USP34: variants seen among roughly 807,000 people sequenced by gnomAD.
The protein encoded by USP34 is ubiquitin specific peptidase 34.
In USP34, 70 loss-of-function variants were observed where a neutral mutation model predicts 460.3. That is an observed-to-expected ratio of 0.15 (90% CI 0.13 to 0.19). The LOEUF (loss-of-function observed/expected upper bound fraction) is 0.19, where lower values mean the gene tolerates loss of function less well. USP34 is among the 10% of genes least tolerant of loss of function. USP34 has a pLI of 1.00. For synonymous variants in USP34, 1,647 were observed against 1,405.3 expected, an observed-to-expected ratio of 1.17 and a Z score of -3.85; for missense variants, 3,985 against 4,236.2, an observed-to-expected ratio of 0.94 and a Z score of 1.65.
intron 27 of USP34, among the ~76,000 whole-genome samples, chr2:61,307,538 A>T (rs753003827): frequency 1.3e-5 from 2 of 152,098 alleles, no homozygotes; most frequent in African/African-American, 2.4e-5. Flanking sequence ...ATAAGAGTTT[A>T]TAAGACTTGG....
At chr2:61,434,487 A>T (rs1694759956) in intron 1 of USP34, among the ~76,000 whole-genome samples, 1 of 152,076 alleles carries the variant, frequency 6.6e-6, no homozygotes, top group Admixed American at 6.6e-5. Flanking sequence ...TGTGGCTTCA[A>T]CCCCAGCAAG....
chr2:61,423,276 G>T (rs1694414976), intron 1 of USP34, among the ~76,000 whole-genome samples: 1 of 151,954 alleles, frequency 6.6e-6, no homozygotes, highest in Admixed American at 6.6e-5. Flanking sequence ...ATCACGCCTG[G>T]CTAGTTTTTG....
intron 1 of USP34, among the ~76,000 whole-genome samples, chr2:61,437,379 A>G (rs150278548): frequency 6.6e-6 from 1 of 152,356 alleles, no homozygotes; most frequent in East Asian, 1.9e-4. Flanking sequence ...ACAAAGGATC[A>G]TTAGAGACTG....
intron 27 of USP34, among the ~76,000 whole-genome samples, chr2:61,301,748 A>C (rs955220491): frequency 6.6e-6 from 1 of 152,182 alleles, no homozygotes; most frequent in Non-Finnish European, 1.5e-5. Flanking sequence ...CAACTCAAGG[A>C]CTAAGATTTC....
chr2:61,379,234 T>C (rs1692899587), intron 7 of USP34, among the ~76,000 whole-genome samples: 1 of 152,016 alleles, frequency 6.6e-6, no homozygotes, highest in Non-Finnish European at 1.5e-5. Flanking sequence ...AAAACAGTAA[T>C]GTGGCCAGGT....
At chr2:61,454,576 G>A (rs948095274) in intron 1 of USP34, among the ~76,000 whole-genome samples, 1 of 152,018 alleles carries the variant, frequency 6.6e-6, no homozygotes, top group African/African-American at 2.4e-5. Flanking sequence ...TTGAGATGGA[G>A]TCTCCCTCTG....
intron 1 of USP34, among the ~76,000 whole-genome samples, chr2:61,437,555 C>G (rs543675662): frequency 6.6e-6 from 1 of 151,984 alleles, no homozygotes; most frequent in East Asian, 1.9e-4. Context: ...AGGCAGATCA[C>G]GAGGTCAGGA....
intron 27 of USP34, among the ~76,000 whole-genome samples, chr2:61,306,108 T>TA (rs397815539): frequency 6.6e-6 from 1 of 151,844 alleles, no homozygotes; most frequent in East Asian, 1.9e-4. Context: ...ATTTTGGCTT[T>TA]GTTGCCATTG....
Position 61,211,750 on chromosome 2 carries a change from A to G in USP34, c.8840+22T>C, listed in dbSNP as rs780297370. 1.0e-5 allele frequency: 16 copies of G among 1,545,770 alleles called. No individual in the cohort carries two copies. In the East Asian group the frequency reaches 1.7e-4, roughly 17 times the overall value. Reference sequence around the variant, plus strand: ...TCATCTCACTGGAAATAAACAAGACAAAACTAAAAACATCTTTTTACCTTA... The same window carrying G: ...TCATCTCACTGGAAATAAACAAGACGAAACTAAAAACATCTTTTTACCTTA... On this transcript the variant is annotated intron_variant, in intron 69 of 79. Coordinates refer to ENST00000398571, the MANE Select transcript of USP34 (RefSeq NM_014709.4).
At chr2:61,236,275 GA>G (rs772687411) in intron 54 of USP34, 39 bp from the exon 55 acceptor site, 15 of 1,593,874 alleles carry the variant, frequency 9.4e-6, no homozygotes, top group South Asian at 2.3e-5. Flanking sequence ...TCACACGTAA[GA>G]TTTTTTTAAA....
chr2:61,387,555 T>C (rs1242165269), intron 5 of USP34, among the ~76,000 whole-genome samples: 2 of 146,986 alleles, frequency 1.4e-5, no homozygotes, highest in Admixed American at 6.9e-5. Flanking sequence ...AAAATATATA[T>C]ATTTATATAT....
intron 75 of USP34, among the ~76,000 whole-genome samples, chr2:61,198,553 T>TA (rs1435644483): frequency 1.3e-5 from 2 of 149,498 alleles, no homozygotes; most frequent in Non-Finnish European, 3.0e-5. Context: ...CCCTATCTGA[T>TA]AGACTTTTTT....
intron 75 of USP34, among the ~76,000 whole-genome samples, chr2:61,199,171 T>C (rs1043190523): frequency 6.6e-6 from 1 of 152,230 alleles, no homozygotes; most frequent in African/African-American, 2.4e-5. Flanking sequence ...TTTTGTGTCC[T>C]AGGTAGCATG....
At chr2:61,300,720 C>T (rs1175385386) in intron 29 of USP34, among the ~76,000 whole-genome samples, 3 of 149,884 alleles carry the variant, frequency 2.0e-5, no homozygotes, top group African/African-American at 4.9e-5. Context: ...GGCATGAACC[C>T]GGGAGGTGGA....
At chr2:61,407,856 T>C (rs933338014) in intron 2 of USP34, among the ~76,000 whole-genome samples, 5 of 152,186 alleles carry the variant, frequency 3.3e-5, no homozygotes, top group Admixed American at 6.5e-5. Context: ...GGCTCATGCC[T>C]GTAATCCCAG....
chr2:61,253,857 C>A (rs1288155772), intron 48 of USP34, among the ~76,000 whole-genome samples: 1 of 152,070 alleles, frequency 6.6e-6, no homozygotes, highest in Non-Finnish European at 1.5e-5. Flanking sequence ...GCCCCACCCT[C>A]CCAAGTAGCT....
intron 8 of USP34, among the ~76,000 whole-genome samples, chr2:61,377,439 T>C (rs1692830724): frequency 1.3e-5 from 2 of 152,096 alleles, no homozygotes; most frequent in South Asian, 4.1e-4. Context: ...CAAAGAAGTT[T>C]AAGCTATAAA....
At chr2:61,276,591 A>T (rs1280051149) in intron 41 of USP34, among the ~76,000 whole-genome samples, 1 of 152,154 alleles carries the variant, frequency 6.6e-6, no homozygotes, top group Non-Finnish European at 1.5e-5. Context: ...ATCTAAAATT[A>T]TTTTTTCTTA....
At chr2:61,245,924 T>C (rs758386265) in intron 50 of USP34, among the ~76,000 whole-genome samples, 8 of 152,058 alleles carry the variant, frequency 5.3e-5, no homozygotes, top group Non-Finnish European at 7.4e-5. Context: ...GATAAAAGGA[T>C]AAAAAGAAGT....
Sources: allele counts gnomAD v4.1 joint callset (sites outside exome capture counted in the v4.1 genomes callset), GRCh38; gene constraint gnomAD v4.1.1; transcripts MANE v1.5; gene names NCBI Gene and HGNC (gene_info 2026-07-23, HGNC 2026-07-21).